RAD18: variants seen among roughly 807,000 people sequenced by gnomAD.
The protein encoded by RAD18 is RAD18 E3 ubiquitin protein ligase, also known as E3 ubiquitin-protein ligase RAD18.
A neutral mutation model predicts 60.4 loss-of-function variants in RAD18; 47 were observed. That is an observed-to-expected ratio of 0.78 (90% CI 0.62 to 0.99). The LOEUF (loss-of-function observed/expected upper bound fraction) is 0.99, where lower values mean the gene tolerates loss of function less well. Ranked by LOEUF, RAD18 falls within the 50% of genes least tolerant of loss-of-function variation. The pLI is 0.00. For synonymous variants in RAD18, 225 were observed against 195.5 expected, an observed-to-expected ratio of 1.15 and a Z score of -1.26; for missense variants, 640 against 593.3, an observed-to-expected ratio of 1.08 and a Z score of -0.82.
intron 2 of RAD18, among the ~76,000 whole-genome samples, chr3:8,953,425 G>A (rs960398134): frequency 6.6e-6 from 1 of 152,094 alleles, no homozygotes; most frequent in Non-Finnish European, 1.5e-5. Context: ...GTCCTAAGTA[G>A]ATCAAGCCCT....
In RAD18 at chr3:8,933,467, AGT is replaced by A. The variant is rs45473491; in HGVS notation, c.889+2402_889+2403del. ...TCAAAGGATGTATTACATGTGAGTA[AGT>A]TATACATCAATAAAAAGGGCACATA... is the stretch of plus-strand genomic sequence containing the variant. On this transcript the variant is annotated intron_variant, in intron 7 of 12. Transcript: ENST00000264926. Among the ~76,000 whole-genome samples the A allele has an allele frequency of 3.8e-3, 584 of 152,330 alleles. 4 individuals carry two copies. The highest frequency in any genetic ancestry group is 0.014 in the African/African-American group (566 of 41,576).
chr3:8,942,893 C>G (rs968571020), intron 4 of RAD18, among the ~76,000 whole-genome samples: 6 of 152,172 alleles, frequency 3.9e-5, no homozygotes, highest in African/African-American at 1.2e-4. Context: ...AAATCCCAAA[C>G]GTCAGTGCTG....
At chr3:8,909,647 TA>T (rs1426797345) in intron 9 of RAD18, among the ~76,000 whole-genome samples, 5 of 152,166 alleles carry the variant, frequency 3.3e-5, no homozygotes, top group African/African-American at 1.2e-4. Flanking sequence ...CTTTTTAACC[TA>T]AAGTTCTACA....
intron 7 of RAD18, among the ~76,000 whole-genome samples, chr3:8,930,433 A>T (rs1940533176): frequency 6.6e-6 from 1 of 152,204 alleles, no homozygotes; most frequent in African/African-American, 2.4e-5. Context: ...GCTAATGGAT[A>T]CTGGGCTCTT....
Position 8,941,467 on chromosome 3 carries a change from C to A in RAD18, c.604G>T (p.Val202Leu). 1 of 1,588,196 alleles carries A rather than the reference C, an allele frequency of 6.3e-7. No individual in the cohort carries two copies. Among genetic ancestry groups the A allele is most frequent in the South Asian group, 1.1e-5 (1 of 89,568 alleles). Residue 202 changes from valine (V) to leucine (L), a missense_variant and splice_region_variant, in exon 5 of 13, where the codon GTG (valine) becomes TTG (leucine). Val to Leu is a conservative substitution (Grantham distance 32). Transcript: ENST00000264926. ...TCCACATATGAAAATAACTTCCTAC[C>A]TTTAGTAACTTGTTTCAAAGTGGAT... The part of the protein sequence containing the change: ...STSTLKQVTK[V>L]DCPVCGVNIP...
intron 5 of RAD18, 103 bp from the exon 6 acceptor site, chr3:8,939,756 A>T (rs776835383): frequency 1.1e-6 from 1 of 926,024 alleles, no homozygotes; most frequent in Non-Finnish European, 1.6e-6. Context: ...AAGAATCCCA[A>T]CTTAACATGC....
At chr3:8,945,691 C>T (rs544287571) in intron 4 of RAD18, among the ~76,000 whole-genome samples, 28 of 151,908 alleles carry the variant, frequency 1.8e-4, no homozygotes, top group Admixed American at 1.5e-3. Context: ...AGGATGGTCT[C>T]GATCTCCTGA....
At chr3:8,885,222 A>G (rs574172426) in intron 12 of RAD18, among the ~76,000 whole-genome samples, 2 of 152,300 alleles carry the variant, frequency 1.3e-5, no homozygotes, top group South Asian at 4.1e-4. Flanking sequence ...GGTCAGATCA[A>G]GGACCACTGT....
At chr3:8,898,053 CAG>C (rs1240497312) in intron 11 of RAD18, among the ~76,000 whole-genome samples, 7 of 151,664 alleles carry the variant, frequency 4.6e-5, no homozygotes, top group African/African-American at 1.7e-4. Flanking sequence ...GGCTGGGCAA[CAG>C]AGTGAGACTC....
chr3:8,960,575 C>T (rs974085680), intron 1 of RAD18, among the ~76,000 whole-genome samples: 1 of 152,104 alleles, frequency 6.6e-6, no homozygotes, highest in African/African-American at 2.4e-5. Context: ...AATTAATGCC[C>T]TAGGAAAATA....
intron 11 of RAD18, among the ~76,000 whole-genome samples, chr3:8,896,757 G>A (rs1396520111): frequency 6.6e-6 from 1 of 152,198 alleles, no homozygotes; most frequent in Non-Finnish European, 1.5e-5. Context: ...GAGACGCAGG[G>A]TGGCTGAAAC....
intron 3 of RAD18, among the ~76,000 whole-genome samples, chr3:8,947,844 A>C (rs1940861205): frequency 6.6e-6 from 1 of 152,172 alleles, no homozygotes; most frequent in African/African-American, 2.4e-5. Flanking sequence ...CAAATCACAA[A>C]ATTTCTTACA....
At chr3:8,927,401 C>T (rs903544599) in intron 7 of RAD18, among the ~76,000 whole-genome samples, 1 of 152,144 alleles carries the variant, frequency 6.6e-6, no homozygotes, top group Non-Finnish European at 1.5e-5. Context: ...ATTAAAAAGT[C>T]AGGAAACAAC....
At chr3:8,923,093 G>C (rs1398798648) in intron 7 of RAD18, among the ~76,000 whole-genome samples, 2 of 151,954 alleles carry the variant, frequency 1.3e-5, no homozygotes, top group African/African-American at 2.4e-5. Flanking sequence ...AGAGAAGAAC[G>C]CTTCAGATGA....
At chr3:8,945,398 C>G (rs1352931985) in intron 4 of RAD18, among the ~76,000 whole-genome samples, 1 of 151,516 alleles carries the variant, frequency 6.6e-6, no homozygotes, top group Non-Finnish European at 1.5e-5. Context: ...TGAAAAATTC[C>G]CATTGCTAAG....
intron 11 of RAD18, among the ~76,000 whole-genome samples, chr3:8,893,119 C>G (rs1939722060): frequency 6.6e-6 from 1 of 152,120 alleles, no homozygotes; most frequent in Non-Finnish European, 1.5e-5. Context: ...TCCAATTTGC[C>G]CGAGAAAACC....
rs372092960 is a variant in RAD18, at chr3:8,948,895, G to C, written c.134-325C>G. Among the ~76,000 whole-genome samples, 13 of 152,016 alleles carry C rather than the reference G, an allele frequency of 8.6e-5. No homozygotes were observed. The East Asian group carries it at 2.3e-3, about 27-fold the overall frequency. ...TATAAACCTGCCAGATATCTCTACT[G>C]CTTATCATTTGAAAATATAAATTTT... is the stretch of plus-strand genomic sequence containing the variant. On this transcript the variant is annotated intron_variant, in intron 2 of 12. Coordinates refer to ENST00000264926, the MANE Select transcript of RAD18 (RefSeq NM_020165.4).
chr3:8,921,010 T>C (rs1222812025), intron 7 of RAD18, among the ~76,000 whole-genome samples: 2 of 152,352 alleles, frequency 1.3e-5, no homozygotes, highest in East Asian at 3.9e-4. Flanking sequence ...AGAATCTTTT[T>C]TTCTTAAGAA....
intron 7 of RAD18, among the ~76,000 whole-genome samples, chr3:8,914,775 A>G (rs1940167115): frequency 6.6e-6 from 1 of 152,172 alleles, no homozygotes; most frequent in Non-Finnish European, 1.5e-5. Context: ...GACCATTTGC[A>G]TTCTATCCAA....
Sources: gnomAD v4.1 joint callset for allele counts (sites outside exome capture counted in the v4.1 genomes callset) on GRCh38, gnomAD v4.1.1 for gene constraint, MANE v1.5 for transcripts, NCBI Gene and HGNC (gene_info 2026-07-23, HGNC 2026-07-21) for gene names.